Variants in QNG1 observed in about 807,000 individuals in gnomAD.
QNG1 encodes the protein queuosine 5'-phosphate N-glycosylase/hydrolase.
the QNG1 span, chr9:83,956,385 G>A: frequency 1.2e-6 from 2 of 1,603,110 alleles, no homozygotes; most frequent in Non-Finnish European, 1.7e-6. Context: ...TGGCCCCGCC[G>A]CCTTGGCCAG....
the QNG1 span, chr9:83,955,520 T>C: frequency 1.3e-5 from 21 of 1,614,098 alleles, no homozygotes; most frequent in African/African-American, 2.5e-4. Flanking sequence ...CCCGGTTTCA[T>C]TGAGAATCCG....
At chr9:83,945,190 G>A in the QNG1 span, among the ~76,000 whole-genome samples, 1 of 151,650 alleles carries the variant, frequency 6.6e-6, no homozygotes, top group African/African-American at 2.4e-5. Flanking sequence ...GATTGCTTGA[G>A]CCCAGGAGTT....
At chr9:83,951,486 G>A in the QNG1 span, among the ~76,000 whole-genome samples, 10 of 152,260 alleles carry the variant, frequency 6.6e-5, no homozygotes, top group East Asian at 5.8e-4. Flanking sequence ...ACTAGAACCC[G>A]GGAGGCAGAG....
chr9:83,941,390 A>G, the QNG1 span, among the ~76,000 whole-genome samples: 6 of 152,274 alleles, frequency 3.9e-5, no homozygotes, highest in East Asian at 7.7e-4. Context: ...CTTAAATCCA[A>G]TGAAGGAAAG....
At chr9:83,945,688 G>A in the QNG1 span, among the ~76,000 whole-genome samples, 5 of 152,036 alleles carry the variant, frequency 3.3e-5, no homozygotes, top group East Asian at 3.9e-4. Context: ...TGCAAGCTCC[G>A]CCTCCTGGGT....
the QNG1 span, chr9:83,944,993 A>C: frequency 6.3e-7 from 1 of 1,591,860 alleles, no homozygotes; most frequent in South Asian, 1.1e-5. Context: ...TTTTCCCCTG[A>C]TGAATGAAGA....
the QNG1 span, chr9:83,938,675 A>C: frequency 1.1e-5 from 1 of 89,908 alleles, no homozygotes; most frequent in Admixed American, 1.1e-4. Context: ...CACAGGGGGG[A>C]AAAAAAAAAA....
At chr9:83,939,095 C>CA in the QNG1 span, 5,038 of 175,204 alleles carry the variant, frequency 0.029, 261 homozygotes, top group African/African-American at 0.11. Context: ...TTTTTTGAGA[C>CA]AAAGTTTCAC....
At chr9:83,948,239 G>GCCGC in the QNG1 span, among the ~76,000 whole-genome samples, 19 of 150,678 alleles carry the variant, frequency 1.3e-4, no homozygotes, top group South Asian at 4.0e-3. Context: ...TTTCTGGCCG[G>GCCGC]CCGCCCCGTC....
the QNG1 span, chr9:83,939,656 A>C: frequency 6.2e-7 from 1 of 1,614,238 alleles, no homozygotes; most frequent in Middle Eastern, 1.6e-4. Flanking sequence ...AATAAGCTCC[A>C]GAAGACAATC....
chr9:83,952,166 G>A, the QNG1 span, among the ~76,000 whole-genome samples: 3 of 151,540 alleles, frequency 2.0e-5, no homozygotes, highest in East Asian at 5.8e-4. Flanking sequence ...TAAATTTTTT[G>A]TAGAAATGGA....
the QNG1 span, among the ~76,000 whole-genome samples, chr9:83,952,860 C>T: frequency 7.4e-5 from 11 of 147,680 alleles, 1 homozygote; most frequent in Admixed American, 1.4e-4. Flanking sequence ...CCCAGCTACT[C>T]GGAGGCAGAG....
the QNG1 span, among the ~76,000 whole-genome samples, chr9:83,953,387 G>A: frequency 1.0e-3 from 145 of 143,880 alleles, no homozygotes; most frequent in African/African-American, 3.5e-3. Flanking sequence ...TGCTCTTGTC[G>A]TCCAGGCTGG....
chr9:83,939,616 C>A, the QNG1 span: 1 of 1,613,094 alleles, frequency 6.2e-7, no homozygotes, highest in African/African-American at 1.3e-5. Context: ...TGGAATTGAT[C>A]TCTCCATTAG....
At chr9:83,950,136 G>C in the QNG1 span, among the ~76,000 whole-genome samples, 1 of 148,444 alleles carries the variant, frequency 6.7e-6, no homozygotes, top group African/African-American at 2.5e-5. Flanking sequence ...TGCAACCTCT[G>C]CCTCCCGGGT....
the QNG1 span, chr9:83,956,681 C>A: frequency 2.0e-6 from 1 of 502,536 alleles, no homozygotes; most frequent in Non-Finnish European, 3.4e-6. Context: ...GCGGCGTTGC[C>A]CTGATTAGGA....
chr9:83,948,541 C>G, the QNG1 span, among the ~76,000 whole-genome samples: 1 of 151,756 alleles, frequency 6.6e-6, no homozygotes, highest in Admixed American at 6.6e-5. Context: ...CTGGCCGCCC[C>G]GTCTGGGAAG....
the QNG1 span, among the ~76,000 whole-genome samples, chr9:83,948,247 G>A: frequency 2.0e-5 from 3 of 146,664 alleles, no homozygotes; most frequent in Non-Finnish European, 4.5e-5. Flanking sequence ...CGGCCGCCCC[G>A]TCTGAGAAGT....
the QNG1 span, chr9:83,956,721 G>A: frequency 0.013 from 5,652 of 425,110 alleles, 62 homozygotes; most frequent in Non-Finnish European, 0.019. Flanking sequence ...CAGCTCGCTG[G>A]GCAGAGGCCG....
Sources: allele counts gnomAD v4.1 joint callset (sites outside exome capture counted in the v4.1 genomes callset), GRCh38; gene constraint gnomAD v4.1.1; transcripts MANE v1.5; gene names NCBI Gene and HGNC (gene_info 2026-07-23, HGNC 2026-07-21).